Variants in MTHFD2L observed in about 807,000 individuals in gnomAD.
The protein encoded by MTHFD2L is methylenetetrahydrofolate dehydrogenase (NADP+ dependent) 2 like.
A neutral mutation model predicts 34.9 loss-of-function variants in MTHFD2L; 29 were observed. The ratio of observed to expected loss-of-function variants is 0.83; its 90% CI spans 0.62 to 1.13. MTHFD2L has a LOEUF of 1.13. Among genes scored for constraint, MTHFD2L ranks in the 50% most tolerant of loss-of-function variants. MTHFD2L has a pLI of 0.00. For synonymous variants in MTHFD2L, 167 were observed against 155.7 expected (o/e 1.07, Z -0.54); for missense variants, 481 against 446.5 (o/e 1.08, Z -0.70).
chr4:74,288,493 G>C (rs933671718), intron 7 of MTHFD2L: 1 of 152,140 alleles, frequency 6.6e-6, no homozygotes, highest in African/African-American at 2.4e-5. Context: ...CTTTACATAA[G>C]AACTTGAAGA....
At chr4:74,239,469 C>G (rs1235274620) in intron 6 of MTHFD2L, among the ~76,000 whole-genome samples, 1 of 149,008 alleles carries the variant, frequency 6.7e-6, no homozygotes, top group African/African-American at 2.5e-5. Context: ...CACATGTACC[C>G]TAGAAGTTAA....
At chr4:74,207,994 CACTCTT>C (rs1248773685) in intron 5 of MTHFD2L, among the ~76,000 whole-genome samples, 1 of 151,952 alleles carries the variant, frequency 6.6e-6, no homozygotes, top group Non-Finnish European at 1.5e-5. Flanking sequence ...CTGAGACTGA[CACTCTT>C]AGTCTTATTG....
chr4:74,190,525 C>T, intron 3 of MTHFD2L: 1 of 985,366 alleles, frequency 1.0e-6, no homozygotes, highest in Non-Finnish European at 1.2e-6. Flanking sequence ...GAACTCCTTC[C>T]AGTCTACCTC....
At chr4:74,215,039 C>T (rs1306202659) in intron 5 of MTHFD2L, among the ~76,000 whole-genome samples, 1 of 151,624 alleles carries the variant, frequency 6.6e-6, no homozygotes, top group Non-Finnish European at 1.5e-5. Context: ...TGGTGGACTG[C>T]CCCCCTGCCA....
intron 6 of MTHFD2L, among the ~76,000 whole-genome samples, chr4:74,277,767 G>A (rs757118756): frequency 2.0e-5 from 3 of 151,918 alleles, no homozygotes; most frequent in Non-Finnish European, 2.9e-5. Flanking sequence ...AACTACTATA[G>A]TTATTGGGGT....
At chr4:74,123,799 G>A (rs997349205), upstream of MTHFD2L, among the ~76,000 whole-genome samples, 3 of 151,942 alleles carry the variant, frequency 2.0e-5, no homozygotes, top group South Asian at 2.1e-4. Flanking sequence ...CGACTTTAAA[G>A]GCAATTAAAA....
At chr4:74,233,586 A>G (rs1465023958) in intron 6 of MTHFD2L, among the ~76,000 whole-genome samples, 1 of 152,036 alleles carries the variant, frequency 6.6e-6, no homozygotes, top group African/African-American at 2.4e-5. Flanking sequence ...CATGTTTTAA[A>G]TGAAAATATA....
At chr4:74,263,137 G>A (rs1744884413) in intron 6 of MTHFD2L, among the ~76,000 whole-genome samples, 1 of 151,888 alleles carries the variant, frequency 6.6e-6, no homozygotes, top group African/African-American at 2.4e-5. Context: ...ATTTATGTGT[G>A]TGTGTGTGCT....
At chr4:74,197,030 G>A (rs925483156) in intron 3 of MTHFD2L, among the ~76,000 whole-genome samples, 1 of 151,110 alleles carries the variant, frequency 6.6e-6, no homozygotes, top group African/African-American at 2.4e-5. Flanking sequence ...TATCTGAGCT[G>A]TTTTATTACA....
At chr4:74,149,325 G>A (rs1723788497) in intron 1 of MTHFD2L, among the ~76,000 whole-genome samples, 2 of 151,580 alleles carry the variant, frequency 1.3e-5, no homozygotes, top group African/African-American at 4.8e-5. Flanking sequence ...TTTCCTCCTA[G>A]ATTCTGCCTA....
At chr4:74,176,329 A>G (rs1438327921) in intron 3 of MTHFD2L, among the ~76,000 whole-genome samples, 2 of 152,072 alleles carry the variant, frequency 1.3e-5, no homozygotes, top group Non-Finnish European at 2.9e-5. Context: ...CTTTTTCAAC[A>G]TAAGACTTAC....
chr4:74,209,998 TAA>T (rs1736024889), intron 5 of MTHFD2L, among the ~76,000 whole-genome samples: 1 of 152,250 alleles, frequency 6.6e-6, no homozygotes, highest in South Asian at 2.1e-4. Context: ...TGTCTTCTTT[TAA>T]AAAGTGTCTG....
chr4:74,254,833 G>C (rs1477775620), intron 6 of MTHFD2L, among the ~76,000 whole-genome samples: 1 of 70,896 alleles, frequency 1.4e-5, no homozygotes, highest in Non-Finnish European at 3.3e-5. Context: ...AAAGTAATTA[G>C]CTGCAAGAAT....
chr4:74,153,558 G>C (rs944293123), upstream of MTHFD2L, among the ~76,000 whole-genome samples: 9 of 152,080 alleles, frequency 5.9e-5, no homozygotes, highest in African/African-American at 1.9e-4. Flanking sequence ...TGTTGAGTAG[G>C]TATTAGAAGC....
chr4:74,119,924 T>A (rs1366274703), upstream of MTHFD2L, among the ~76,000 whole-genome samples: 1 of 152,138 alleles, frequency 6.6e-6, no homozygotes, highest in African/African-American at 2.4e-5. Flanking sequence ...CCTTCAGAAC[T>A]GCTTCACTGC....
chr4:74,163,398 C>T (rs1725884853), intron 1 of MTHFD2L, among the ~76,000 whole-genome samples: 1 of 152,148 alleles, frequency 6.6e-6, no homozygotes, highest in African/African-American at 2.4e-5. Context: ...TTTTGTGGCA[C>T]AAAGCTTAGC....
chr4:74,141,028 T>C (rs1399427489), intron 1 of MTHFD2L, among the ~76,000 whole-genome samples: 1 of 152,246 alleles, frequency 6.6e-6, no homozygotes, highest in African/African-American at 2.4e-5. Flanking sequence ...ATGACAGTAC[T>C]CATATTCTCA....
In MTHFD2L at chr4:74,242,885, T is replaced by C. The variant is rs1741918822; in HGVS notation, c.805+17491T>C. On this transcript the variant is annotated intron_variant, in intron 6 of 7. Transcript: ENST00000325278. ...AGAAAACAAAAAACCAACATGTGTTTAAATTTACAAAAAGTTTGCCAAGTT... is the reference window on the plus strand; with the variant it reads ...AGAAAACAAAAAACCAACATGTGTTCAAATTTACAAAAAGTTTGCCAAGTT... Among the ~76,000 whole-genome samples the C allele has an allele frequency of 1.3e-5, 2 of 152,238 alleles. 1 individual carries two copies. The highest frequency in any genetic ancestry group is 4.1e-4 in the South Asian group (2 of 4,830).
intron 1 of MTHFD2L, among the ~76,000 whole-genome samples, chr4:74,174,288 A>G (rs1728594615): frequency 6.6e-6 from 1 of 152,152 alleles, no homozygotes; most frequent in Non-Finnish European, 1.5e-5. Flanking sequence ...TTTATAGCAG[A>G]TAGATTATAC....
Sources: gnomAD v4.1 joint callset for allele counts (sites outside exome capture counted in the v4.1 genomes callset) on GRCh38, gnomAD v4.1.1 for gene constraint, MANE v1.5 for transcripts, NCBI Gene and HGNC (gene_info 2026-07-23, HGNC 2026-07-21) for gene names.